AMELY: variants seen among roughly 807,000 people sequenced by gnomAD.
The protein encoded by AMELY is amelogenin, Y isoform.
In AMELY, 4 loss-of-function variants were observed where a neutral mutation model predicts 4.2. That is an observed-to-expected ratio of 0.96 (90% CI 0.47 to 2.19). AMELY has a LOEUF of 2.19. Ranked by LOEUF, AMELY falls within the 30% of genes most tolerant of loss-of-function variation. The pLI, the probability that AMELY is intolerant of heterozygous loss-of-function variation, is 0.02. For synonymous variants in AMELY, 11 were observed against 14.7 expected (o/e 0.75, Z 0.57); for missense variants, 32 against 41.5 (o/e 0.77, Z 0.63).
At position 6,874,015 on chromosome Y, in the gene AMELY, G is replaced by C; in HGVS notation, c.-56C>G. 3.0e-5 allele frequency: 1 copy of C among 32,952 alleles called. No homozygotes were observed. Among genetic ancestry groups the C allele is most frequent in the African/African-American group, 1.2e-4 (1 of 8,532 alleles). 8.2% of individuals were successfully genotyped at this position (32,952 alleles called of 400,897 possible). A position where few individuals can be genotyped will look rare whatever the true frequency, so the allele number is the denominator to read the frequency against. The stretch of plus-strand genomic sequence containing the variant: ...AAACTTTCTTTGTGCTACACAGGGA[G>C]GCTTGGTCCTCTAGATTTTCTTTAA... On this transcript the variant is annotated 5_prime_UTR_variant, in exon 2 of 7. Transcript: ENST00000651267.
chrY:6,883,667 C>T (rs2124082509), intron 1 of AMELY, among the ~76,000 whole-genome samples: 1 of 33,396 alleles, frequency 3.0e-5, no homozygotes, highest in South Asian at 6.8e-4. Flanking sequence ...TAAAGATTTG[C>T]TTTTTCTTGA....
chrY:6,869,417 G>C, intron 4 of AMELY, among the ~76,000 whole-genome samples: 2 of 33,378 alleles, frequency 6.0e-5, no homozygotes, highest in African/African-American at 1.2e-4. Context: ...TTTCTGAACA[G>C]TATACACACT....
intron 1 of AMELY, among the ~76,000 whole-genome samples, chrY:6,884,962 C>G: frequency 3.0e-5 from 1 of 33,331 alleles, no homozygotes; most frequent in Non-Finnish European, 7.4e-5. Flanking sequence ...TATATGAGGT[C>G]AACAGGCATA....
intron 1 of AMELY, among the ~76,000 whole-genome samples, chrY:6,884,009 T>C (rs2054076966): frequency 1.5e-4 from 5 of 32,603 alleles, no homozygotes; most frequent in Non-Finnish European, 2.2e-4. Flanking sequence ...ATGCTTATAC[T>C]AGGAAATTGT....
chrY:6,887,831 C>A, intron 1 of AMELY, among the ~76,000 whole-genome samples: 1 of 33,235 alleles, frequency 3.0e-5, no homozygotes, highest in Non-Finnish European at 7.4e-5. Flanking sequence ...TATGTCCCTG[C>A]AATTCCTTTT....
intron 1 of AMELY, among the ~76,000 whole-genome samples, chrY:6,910,002 G>A (rs545772780): frequency 0.017 from 560 of 32,260 alleles, no homozygotes; most frequent in Admixed American, 0.12. Context: ...GGAGGAAGGA[G>A]CGCTGGGGAC....
At chrY:6,894,259 T>C (rs2124084237) in intron 1 of AMELY, among the ~76,000 whole-genome samples, 1 of 33,491 alleles carries the variant, frequency 3.0e-5, no homozygotes, top group South Asian at 6.8e-4. Context: ...TTGTTGGCTA[T>C]GCCTGAAGGA....
intron 1 of AMELY, among the ~76,000 whole-genome samples, chrY:6,908,919 C>A (rs2011673174): frequency 3.0e-5 from 1 of 33,252 alleles, no homozygotes. Flanking sequence ...GGGATACAGG[C>A]AGGATGGATT....
At chrY:6,911,149 T>G (rs962509305) in intron 1 of AMELY, among the ~76,000 whole-genome samples, 1 of 34,473 alleles carries the variant, frequency 2.9e-5, no homozygotes, top group Admixed American at 2.5e-4. Context: ...TGGACTAGGG[T>G]GCGGAGCGCT....
chrY:6,865,990 T>C lies in AMELY; in HGVS notation c.*83A>G. The C allele has an allele frequency of 6.5e-6, 1 of 154,243 alleles. No individual in the cohort carries two copies. The highest frequency in any genetic ancestry group is 1.0e-5 in the Non-Finnish European group (1 of 96,761). 38.5% of individuals were successfully genotyped at this position (154,243 alleles called of 400,897 possible). ...CAGAATTTGCTAAGTTAAGTGATTG[T>C]AAGCAAAAATCATTGTGTGCTTGTG... On this transcript the variant is annotated 3_prime_UTR_variant, in exon 7 of 7. Transcript: ENST00000651267.
chrY:6,902,302 G>C, intron 1 of AMELY, among the ~76,000 whole-genome samples: 1 of 33,845 alleles, frequency 3.0e-5, no homozygotes, highest in South Asian at 6.8e-4. Flanking sequence ...GACAATTACT[G>C]TGGTTGTTTC....
chrY:6,867,563 GT>G (rs2054062863), intron 6 of AMELY, among the ~76,000 whole-genome samples: 1 of 32,509 alleles, frequency 3.1e-5, no homozygotes, highest in Non-Finnish European at 7.5e-5. Flanking sequence ...CTTCGTATAG[GT>G]TTTTTTAAAG....
chrY:6,880,430 C>A (rs2054074371), intron 1 of AMELY, among the ~76,000 whole-genome samples: 1 of 33,586 alleles, frequency 3.0e-5, no homozygotes, highest in African/African-American at 1.2e-4. Context: ...ACATATCATG[C>A]AGTATTTATT....
intron 1 of AMELY, among the ~76,000 whole-genome samples, chrY:6,908,030 C>T (rs2011669644): frequency 8.3e-4 from 27 of 32,553 alleles, no homozygotes; most frequent in African/African-American, 3.2e-3. Flanking sequence ...TAAGTGGAGA[C>T]GGGGTTTCAC....
At chrY:6,899,876 C>A in intron 1 of AMELY, among the ~76,000 whole-genome samples, 1 of 32,810 alleles carries the variant, frequency 3.0e-5, no homozygotes, top group Non-Finnish European at 7.5e-5. Flanking sequence ...GAAACTCCAT[C>A]TCTACTAAAA....
intron 1 of AMELY, among the ~76,000 whole-genome samples, chrY:6,876,861 C>T (rs771484808): frequency 0.016 from 534 of 33,421 alleles, no homozygotes; most frequent in Middle Eastern, 0.13. Context: ...ACAATCCTTA[C>T]CCTATTGCTA....
In AMELY at chrY:6,868,405, C is replaced by T. The variant is rs2054064403; in HGVS notation, c.205G>A (p.Val69Met). ...GTCAGGGGGTGCTGTTGGGACACCACGGGGATGATTTGGTGGTGCAGCCAT... is the reference window on the plus strand; with the variant it reads ...GTCAGGGGGTGCTGTTGGGACACCATGGGGATGATTTGGTGGTGCAGCCAT... ...GGWLHHQIIPVVSQQHPLTHT... is the reference protein window; with the variant it reads ...GGWLHHQIIPMVSQQHPLTHT... Residue 69 changes from valine (V) to methionine (M), a missense_variant, in exon 6 of 7, where the codon GTG (valine) becomes ATG (methionine). By Grantham distance (21) the Val-to-Met change is conservative. Coordinates refer to ENST00000651267, the MANE Select transcript of AMELY (RefSeq NM_001143.2). The T allele has an allele frequency of 1.0e-5, 4 of 395,533 alleles. No homozygotes were observed. The highest frequency in any genetic ancestry group is 7.7e-5 in the Admixed American group (1 of 13,051).
At chrY:6,881,589 G>A (rs2054075047) in intron 1 of AMELY, among the ~76,000 whole-genome samples, 2 of 32,939 alleles carry the variant, frequency 6.1e-5, no homozygotes, top group African/African-American at 2.4e-4. Flanking sequence ...TGGAAGTTCT[G>A]GCCAGGGCAA....
At chrY:6,889,271 G>A (rs761172459) in intron 1 of AMELY, among the ~76,000 whole-genome samples, 4 of 32,880 alleles carry the variant, frequency 1.2e-4, no homozygotes, top group African/African-American at 4.7e-4. Context: ...TAACATCAAA[G>A]ATGCACTAAC....
Sources: gnomAD v4.1 joint callset for allele counts (sites outside exome capture counted in the v4.1 genomes callset) on GRCh38, gnomAD v4.1.1 for gene constraint, MANE v1.5 for transcripts, NCBI Gene and HGNC (gene_info 2026-07-23, HGNC 2026-07-21) for gene names.